The following COL4A5 variants were observed in gnomAD, a reference collection of about 807,000 sequenced individuals.
The protein encoded by COL4A5 is collagen type IV alpha 5 chain.
Under a neutral mutation model 130.2 loss-of-function variants are expected in COL4A5, and 26 were observed. The ratio of observed to expected loss-of-function variants is 0.20; its 90% CI spans 0.15 to 0.28. The LOEUF is 0.28. COL4A5 is among the 10% of genes least tolerant of loss of function. The pLI, the probability that COL4A5 is intolerant of heterozygous loss-of-function variation, is 1.00. For synonymous variants in COL4A5, 496 were observed against 439.6 expected (o/e 1.13, Z -1.60); for missense variants, 1,131 against 1,344.3 (o/e 0.84, Z 2.48).
At chrX:108,668,779 G>A (rs1473145945) in intron 41 of COL4A5, among the ~76,000 whole-genome samples, 1 of 111,755 alleles carries the variant, frequency 8.9e-6, no homozygotes, top group Non-Finnish European at 1.9e-5. Flanking sequence ...TAAAGGAAAT[G>A]GTAGTTTTAT....
At chrX:108,626,125 T>A in intron 35 of COL4A5, 85 bp from the exon 36 acceptor site, 1 of 969,163 alleles carries the variant, frequency 1.0e-6, no homozygotes, top group Non-Finnish European at 1.4e-6. Flanking sequence ...TTTTTAAAAA[T>A]CTTTTTGCTT....
intron 37 of COL4A5, among the ~76,000 whole-genome samples, chrX:108,659,646 A>G (rs1041872030): frequency 1.8e-5 from 2 of 109,255 alleles, no homozygotes; most frequent in Non-Finnish European, 3.8e-5. Context: ...TTATGTAAAG[A>G]CCCTCTTTAT....
intron 1 of COL4A5, among the ~76,000 whole-genome samples, chrX:108,512,038 C>T (rs757888564): frequency 9.9e-5 from 11 of 111,560 alleles, no homozygotes; most frequent in African/African-American, 3.6e-4. Context: ...GAAGTCATAG[C>T]CCAATAAGCT....
intron 29 of COL4A5, among the ~76,000 whole-genome samples, chrX:108,609,277 CA>C (rs1180588850): frequency 8.9e-6 from 1 of 111,783 alleles, no homozygotes; most frequent in Non-Finnish European, 1.9e-5. Context: ...CATTGTTCCA[CA>C]TTTTCTCAAA....
At chrX:108,518,660 T>TA (rs761818465) in intron 1 of COL4A5, among the ~76,000 whole-genome samples, 5 of 111,582 alleles carry the variant, frequency 4.5e-5, no homozygotes, top group Non-Finnish European at 9.5e-5. Flanking sequence ...TTGTTTATCT[T>TA]AAAAAATGCA....
At chrX:108,523,750 G>T (rs2065287342) in intron 1 of COL4A5, among the ~76,000 whole-genome samples, 1 of 111,573 alleles carries the variant, frequency 9.0e-6, no homozygotes, top group Non-Finnish European at 1.9e-5. Context: ...TTTTTATTTA[G>T]TTAGGTTTTC....
At chrX:108,546,972 G>A (rs760220318) in intron 2 of COL4A5, among the ~76,000 whole-genome samples, 1 of 111,865 alleles carries the variant, frequency 8.9e-6, no homozygotes, top group South Asian at 3.8e-4. Flanking sequence ...GGTCCTTTAA[G>A]GACTTCTCTG....
chrX:108,538,108 G>A (rs766150888), intron 1 of COL4A5, among the ~76,000 whole-genome samples: 1 of 111,647 alleles, frequency 9.0e-6, no homozygotes, highest in Admixed American at 9.5e-5. Flanking sequence ...CATAGTGGCT[G>A]TCACATAACA....
chrX:108,580,215 G>A (rs2066219113), intron 13 of COL4A5, among the ~76,000 whole-genome samples: 1 of 111,627 alleles, frequency 9.0e-6, no homozygotes, highest in South Asian at 3.7e-4. Context: ...AGTGAACATA[G>A]TACTCAGAAG....
chrX:108,509,975 A>G (rs2065164907), intron 1 of COL4A5, among the ~76,000 whole-genome samples: 1 of 112,671 alleles, frequency 8.9e-6, no homozygotes, highest in South Asian at 3.7e-4. Context: ...CTATGCAGGC[A>G]TAAAAAAGAA....
At chrX:108,606,337 A>G (rs747374620) in intron 28 of COL4A5, among the ~76,000 whole-genome samples, 2 of 111,999 alleles carry the variant, frequency 1.8e-5, no homozygotes, top group Non-Finnish European at 3.8e-5. Context: ...TTATAAATGC[A>G]TCAGCACTCA....
intron 7 of COL4A5, 120 bp from the exon 8 acceptor site, chrX:108,571,691 C>A: frequency 1.7e-6 from 1 of 597,878 alleles, no homozygotes; most frequent in South Asian, 2.6e-5. Context: ...TAAGGTATAT[C>A]CTATTCAGAA....
intron 1 of COL4A5, among the ~76,000 whole-genome samples, chrX:108,473,633 A>ATATATATTT: frequency 1.4e-4 from 5 of 34,567 alleles, no homozygotes; most frequent in African/African-American, 5.4e-4. Flanking sequence ...ATATATATAT[A>ATATATATTT]TTTTTTTTTT....
chrX:108,468,168 C>T (rs2064727410), intron 1 of COL4A5, among the ~76,000 whole-genome samples: 3 of 111,815 alleles, frequency 2.7e-5, no homozygotes, highest in African/African-American at 9.7e-5. Flanking sequence ...TGACCCATCA[C>T]ATGAAATCAG....
chrX:108,506,844 C>T (rs773392817), intron 1 of COL4A5, among the ~76,000 whole-genome samples: 4 of 110,832 alleles, frequency 3.6e-5, no homozygotes, highest in Non-Finnish European at 5.7e-5. Flanking sequence ...CTCCTGGGCT[C>T]AAGCAATCCT....
chrX:108,671,657 C>T (rs1437910758), intron 42 of COL4A5, among the ~76,000 whole-genome samples: 2 of 111,626 alleles, frequency 1.8e-5, no homozygotes, highest in Non-Finnish European at 3.8e-5. Context: ...TGGAAAATTA[C>T]TAAGAGGAGA....
At chrX:108,695,587 C>A in intron 52 of COL4A5, 148 bp downstream of exon 52, 1 of 628,862 alleles carries the variant, frequency 1.6e-6, no homozygotes, top group Non-Finnish European at 2.5e-6. Flanking sequence ...TTCTCATATA[C>A]ATGACTCAGG....
intron 28 of COL4A5, among the ~76,000 whole-genome samples, chrX:108,603,385 AT>A (rs1358644901): frequency 9.0e-6 from 1 of 111,313 alleles, no homozygotes; most frequent in African/African-American, 3.3e-5. Context: ...TAAAGTGAAT[AT>A]CAAAATAAAG....
At chrX:108,453,663 A>G (rs912672155) in intron 1 of COL4A5, among the ~76,000 whole-genome samples, 2 of 111,841 alleles carry the variant, frequency 1.8e-5, no homozygotes, top group Admixed American at 9.5e-5. Context: ...AACTACTGCT[A>G]TACCGAGGCC....
Sources: gnomAD v4.1 joint callset for allele counts (sites outside exome capture counted in the v4.1 genomes callset) on GRCh38, gnomAD v4.1.1 for gene constraint, MANE v1.5 for transcripts, NCBI Gene and HGNC (gene_info 2026-07-23, HGNC 2026-07-21) for gene names.